CNTNAP5: variants seen among roughly 807,000 people sequenced by gnomAD.
CNTNAP5 encodes contactin-associated protein-like 5.
Under a neutral mutation model 150.2 loss-of-function variants are expected in CNTNAP5, and 72 were observed. That is an observed-to-expected ratio of 0.48 (90% CI 0.40 to 0.58). The LOEUF (loss-of-function observed/expected upper bound fraction) is 0.58, where lower values mean the gene tolerates loss of function less well. Ranked by LOEUF, CNTNAP5 falls within the 20% of genes least tolerant of loss-of-function variation. CNTNAP5 has a pLI of 0.00. For missense variants in CNTNAP5, 1,636 were observed against 1,626.2 expected, an observed-to-expected ratio of 1.01 and a Z score of -0.10; for synonymous variants, 672 against 619.8, an observed-to-expected ratio of 1.08 and a Z score of -1.25.
At chr2:124,498,942 T>C (rs1273571681) in intron 7 of CNTNAP5, among the ~76,000 whole-genome samples, 1 of 152,076 alleles carries the variant, frequency 6.6e-6, no homozygotes, top group East Asian at 1.9e-4. Flanking sequence ...TCCAGCTCAA[T>C]AGCCTCAGGT....
At chr2:124,571,532 T>TCTTTTTCTCTTTGTTTTCTTTTTTCTTTC (rs1553480869) in intron 11 of CNTNAP5, among the ~76,000 whole-genome samples, 1 of 92,684 alleles carries the variant, frequency 1.1e-5, no homozygotes, top group African/African-American at 4.2e-5. Flanking sequence ...TTTTTCTTTT[T>TCTTTTTCTCTTTGTTTTCTTTTTTCTTTC]TTTTTTTTTT....
intron 1 of CNTNAP5, among the ~76,000 whole-genome samples, chr2:124,083,218 C>T (rs1017475238): frequency 6.6e-6 from 1 of 152,034 alleles, no homozygotes; most frequent in Non-Finnish European, 1.5e-5. Context: ...TGTGGTGATG[C>T]GTGCCTGTAA....
intron 2 of CNTNAP5, among the ~76,000 whole-genome samples, chr2:124,236,864 T>C (rs1686761261): frequency 6.6e-6 from 1 of 152,032 alleles, no homozygotes; most frequent in Non-Finnish European, 1.5e-5. Context: ...TGGTGGCTCA[T>C]GCCTATAATC....
At chr2:124,911,747 T>C (rs371694293) in intron 23 of CNTNAP5, among the ~76,000 whole-genome samples, 1 of 152,110 alleles carries the variant, frequency 6.6e-6, no homozygotes, top group African/African-American at 2.4e-5. Context: ...GGATTCATCT[T>C]GCCTCTGATT....
chr2:124,586,924 G>A (rs923426444), intron 11 of CNTNAP5, among the ~76,000 whole-genome samples: 1 of 152,176 alleles, frequency 6.6e-6, no homozygotes, highest in African/African-American at 2.4e-5. Flanking sequence ...CTACCTCTGT[G>A]AAGGGGAAAA....
chr2:124,171,724 T>C (rs1684936043), intron 1 of CNTNAP5, among the ~76,000 whole-genome samples: 1 of 152,224 alleles, frequency 6.6e-6, no homozygotes, highest in African/African-American at 2.4e-5. Flanking sequence ...AGCTTTTTTT[T>C]GTACACAGAG....
chr2:124,423,686 A>C (rs1400036605), intron 4 of CNTNAP5, among the ~76,000 whole-genome samples: 1 of 20,206 alleles, frequency 4.9e-5, no homozygotes, highest in African/African-American at 2.2e-4. Context: ...TTTTTTTGAG[A>C]CGGAGTCTCG....
At chr2:124,086,542 T>A (rs1239912755) in intron 1 of CNTNAP5, among the ~76,000 whole-genome samples, 3 of 151,678 alleles carry the variant, frequency 2.0e-5, no homozygotes, top group African/African-American at 7.3e-5. Context: ...CTTCTTGGTG[T>A]ATTGACCCTT....
intron 4 of CNTNAP5, among the ~76,000 whole-genome samples, chr2:124,431,186 C>T (rs148777128): frequency 6.6e-6 from 1 of 152,080 alleles, no homozygotes; most frequent in South Asian, 2.1e-4. Flanking sequence ...AAGAGATAAC[C>T]TATGTCCCTT....
At position 124,747,402 on chromosome 2, in the gene CNTNAP5, T is replaced by C; in HGVS notation, c.2234+17T>C. 1 of 1,613,438 alleles carries C rather than the reference T, an allele frequency of 6.2e-7. No homozygotes were observed. Among genetic ancestry groups the C allele is most frequent in the Non-Finnish European group, 8.5e-7 (1 of 1,179,478 alleles). ...GGATGAATGGTAATGAGAATCTCCA[T>C]CTTTCTGCAATTGTAGAGAAAGCAC... is the stretch of plus-strand genomic sequence containing the variant. On this transcript the variant is annotated intron_variant, in intron 14 of 23. Coordinates refer to ENST00000682447, the MANE Select transcript of CNTNAP5 (RefSeq NM_001367498.1).
chr2:124,817,453 G>C (rs1682389140), intron 19 of CNTNAP5, among the ~76,000 whole-genome samples: 1 of 152,004 alleles, frequency 6.6e-6, no homozygotes, highest in Non-Finnish European at 1.5e-5. Flanking sequence ...CAAAAGCCCT[G>C]AGTTAACTTA....
intron 1 of CNTNAP5, among the ~76,000 whole-genome samples, chr2:124,057,045 T>C (rs1681868524): frequency 6.6e-6 from 1 of 152,126 alleles, no homozygotes; most frequent in South Asian, 2.1e-4. Flanking sequence ...TGATTGATAA[T>C]TACTCAATGG....
At chr2:124,491,734 C>T (rs1694032796) in intron 7 of CNTNAP5, among the ~76,000 whole-genome samples, 1 of 151,876 alleles carries the variant, frequency 6.6e-6, no homozygotes, top group African/African-American at 2.4e-5. Flanking sequence ...CCTTTCTCTA[C>T]ATTCTCACCA....
chr2:124,188,492 G>A (rs1271320372), intron 1 of CNTNAP5, among the ~76,000 whole-genome samples: 1 of 152,050 alleles, frequency 6.6e-6, no homozygotes, highest in African/African-American at 2.4e-5. Context: ...GGCCAAGGTG[G>A]GCGGATCATG....
At chr2:124,458,235 TTA>T (rs59860511) in intron 6 of CNTNAP5, among the ~76,000 whole-genome samples, 1 of 146,386 alleles carries the variant, frequency 6.8e-6, no homozygotes, top group Non-Finnish European at 1.5e-5. Flanking sequence ...TAAATATATA[TTA>T]TATATAATAT....
chr2:124,410,992 T>G (rs1691742948), intron 3 of CNTNAP5, among the ~76,000 whole-genome samples: 1 of 150,658 alleles, frequency 6.6e-6, no homozygotes, highest in East Asian at 1.9e-4. Flanking sequence ...GCAGGACTAA[T>G]AAAGAAAAAA....
In CNTNAP5 at chr2:124,713,318, CCTTTCTTTCTTTCTTTCTTT is replaced by C. The variant is rs200942591; in HGVS notation, c.2078-33867_2078-33848del. 2.0e-3 allele frequency among the ~76,000 whole-genome samples: 90 copies of C among 43,960 alleles called. 2 individuals carry two copies. Among genetic ancestry groups the C allele is most frequent in the Middle Eastern group, 0.012 (1 of 86 alleles). 28.8% of individuals were successfully genotyped at this position (43,960 alleles called of 152,430 possible). ...CTTTCTTTCTTCTTTCTCTTTCTTT[CCTTTCTTTCTTTCTTTCTTT>C]CTTTCTTTCTTTCTTTCTTTCTTTC... On this transcript the variant is annotated intron_variant, in intron 13 of 23. Coordinates refer to ENST00000682447, the MANE Select transcript of CNTNAP5 (RefSeq NM_001367498.1).
intron 3 of CNTNAP5, among the ~76,000 whole-genome samples, chr2:124,317,384 G>C (rs1207039450): frequency 2.0e-5 from 3 of 152,146 alleles, no homozygotes; most frequent in African/African-American, 7.2e-5. Context: ...CAGCTTTTAA[G>C]TAGAAAAGCT....
At chr2:124,568,940 C>A (rs10209744) in intron 11 of CNTNAP5, among the ~76,000 whole-genome samples, 23 of 152,168 alleles carry the variant, frequency 1.5e-4, no homozygotes, top group Admixed American at 1.3e-4. Context: ...CCCAGCTAAT[C>A]GGGAGGCTGA....
Sources: allele counts gnomAD v4.1 joint callset (sites outside exome capture counted in the v4.1 genomes callset), GRCh38; gene constraint gnomAD v4.1.1; transcripts MANE v1.5; gene names NCBI Gene and HGNC (gene_info 2026-07-23, HGNC 2026-07-21).